Variants in UPK1A observed in about 807,000 individuals in gnomAD.
UPK1A encodes the protein uroplakin-1a.
In UPK1A, 31 loss-of-function variants were observed where a neutral mutation model predicts 32.3. That is an observed-to-expected ratio of 0.96 (90% CI 0.72 to 1.30). UPK1A has a LOEUF of 1.30. UPK1A is among the 50% of genes most tolerant of loss of function. UPK1A has a pLI of 0.00. For synonymous variants in UPK1A, 135 were observed against 137.1 expected (o/e 0.98, Z 0.11); for missense variants, 340 against 357.4 (o/e 0.95, Z 0.39).
At chr19:35,675,993 G>A in exon 6 of UPK1A, 1 of 1,613,578 alleles carries the variant, frequency 6.2e-7, no homozygotes, top group Non-Finnish European at 8.5e-7. Context: ...CTGCCGCCTG[G>A]GGCACATGGA....
intron 5 of UPK1A, 138 bp from the exon 6 acceptor site, chr19:35,675,702 G>A (rs1221760878): frequency 1.7e-5 from 17 of 986,196 alleles, no homozygotes; most frequent in African/African-American, 1.5e-4. Flanking sequence ...GGACACACTC[G>A]CTTGGAGGCC....
intron 6 of UPK1A, among the ~76,000 whole-genome samples, chr19:35,677,147 C>A (rs1348966548): frequency 6.7e-6 from 1 of 148,956 alleles, no homozygotes; most frequent in Non-Finnish European, 1.5e-5. Flanking sequence ...TTGTTTGAGT[C>A]TAGGAGGTCA....
chr19:35,670,484 T>G (rs1306057415), intron 3 of UPK1A, among the ~76,000 whole-genome samples: 1 of 95,602 alleles, frequency 1.0e-5, no homozygotes, highest in African/African-American at 4.6e-5. Flanking sequence ...GATGGAGCCA[T>G]GGACTCCTCC....
exon 8 of UPK1A, chr19:35,678,059 T>G: frequency 1.3e-6 from 2 of 1,527,640 alleles, no homozygotes; most frequent in Non-Finnish European, 1.8e-6. Flanking sequence ...CCCGGACTCC[T>G]CCGCATCCTC....
At position 35,675,864 on chromosome 19, in the gene UPK1A, C is replaced by T; in HGVS notation, c.493C>T (p.Pro165Ser). The T allele has an allele frequency of 6.2e-7, 1 of 1,613,652 alleles. No homozygotes were observed. The change falls in exon 6 of 8, where the codon CCC becomes TCC. Residue 165 changes from proline to serine, a missense_variant. Coordinates refer to ENST00000617999, the Ensembl canonical transcript of UPK1A. ...GCAAGAATGCTGTGGCACATCTGGT[C>T]CCATGGACTGGGTGAACTTCACGTC... is the stretch of plus-strand genomic sequence containing the variant.
intron 6 of UPK1A, among the ~76,000 whole-genome samples, chr19:35,677,385 G>C (rs2146390373): frequency 6.6e-6 from 1 of 152,096 alleles, no homozygotes; most frequent in Admixed American, 6.6e-5. Context: ...AATTAGCCGG[G>C]CGTAGTGGTG....
At chr19:35,675,500 C>G (rs1213159747) in intron 5 of UPK1A, among the ~76,000 whole-genome samples, 2 of 152,052 alleles carry the variant, frequency 1.3e-5, no homozygotes, top group Non-Finnish European at 2.9e-5. Flanking sequence ...AGGCTGGTCT[C>G]GAACTCCTGA....
chr19:35,678,386 AG>A (rs1013071067), exon 8 of UPK1A: 4 of 209,398 alleles, frequency 1.9e-5, no homozygotes, highest in African/African-American at 9.1e-5. Flanking sequence ...TATTGCCATG[AG>A]AGTTCTGTCA....
chr19:35,677,696 T>G, intron 6 of UPK1A, 116 bp from the exon 7 acceptor site: 133 of 1,339,316 alleles, frequency 9.9e-5, no homozygotes, highest in Non-Finnish European at 1.3e-4. Context: ...ATTGCACAAG[T>G]GAGAAAACCA....
exon 8 of UPK1A, chr19:35,678,355 C>T (rs1317280502): frequency 3.9e-6 from 1 of 257,894 alleles, no homozygotes; most frequent in East Asian, 7.3e-5. Flanking sequence ...TTGTGATTGC[C>T]ATTTGAGCTC....
chr19:35,678,309 C>T (rs1968214372), exon 8 of UPK1A: 3 of 350,402 alleles, frequency 8.6e-6, no homozygotes, highest in Non-Finnish European at 1.6e-5. Context: ...CTGACCTCCT[C>T]CTTCATGGCA....
intron 2 of UPK1A, 30 bp from the exon 3 acceptor site, chr19:35,668,424 C>T: frequency 2.5e-6 from 4 of 1,613,404 alleles, no homozygotes; most frequent in Non-Finnish European, 3.4e-6. Context: ...TGGCCCCGAG[C>T]AGACCTTCCT....
exon 8 of UPK1A, chr19:35,678,333 T>C (rs1968214810): frequency 3.3e-6 from 1 of 302,746 alleles, no homozygotes. Context: ...ATCGCCATTC[T>C]TGCTGAACCG....
chr19:35,668,938 C>A (rs754055289), intron 3 of UPK1A, among the ~76,000 whole-genome samples: 1 of 151,878 alleles, frequency 6.6e-6, no homozygotes, highest in Non-Finnish European at 1.5e-5. Context: ...CTGCCTCAGC[C>A]TCCCAAAGTG....
intron 6 of UPK1A, 152 bp downstream of exon 6, chr19:35,676,171 TTTTCTTTC>T (rs373683502): frequency 0.069 from 60,925 of 878,640 alleles, 1,142 homozygotes; most frequent in South Asian, 0.17. Context: ...CTTGTTTTCT[TTTTCTTTC>T]TTTCTTTCTT....
At chr19:35,677,786 C>T (rs1216201775) in intron 6 of UPK1A, 26 bp from the exon 7 acceptor site, 2 of 1,611,810 alleles carry the variant, frequency 1.2e-6, no homozygotes, top group East Asian at 2.2e-5. Context: ...GGCGTCTTCT[C>T]AAACTTCCCC....
intron 3 of UPK1A, among the ~76,000 whole-genome samples, chr19:35,670,878 C>A (rs1968084361): frequency 6.6e-6 from 1 of 151,654 alleles, no homozygotes; most frequent in South Asian, 2.1e-4. Context: ...CCATGTGCAG[C>A]TAATTTTTGT....
In UPK1A at chr19:35,668,442, C is replaced by G; in HGVS notation, c.85-12C>G. 3 of 1,613,968 alleles carry G rather than the reference C, an allele frequency of 1.9e-6. No homozygotes were observed. Among genetic ancestry groups the G allele is most frequent in the Non-Finnish European group, 2.5e-6 (3 of 1,180,034 alleles). ...CCCCGAGCAGACCTTCCTAACCCAC[C>G]GCTCTGTCCAGCTGTCAGGCCTGTC... is the stretch of plus-strand genomic sequence containing the variant. On this transcript the variant is annotated splice_polypyrimidine_tract_variant and intron_variant, in intron 2 of 7. Coordinates refer to ENST00000617999, the Ensembl canonical transcript of UPK1A.
At chr19:35,672,565 C>T (rs1457350228) in intron 3 of UPK1A, among the ~76,000 whole-genome samples, 1 of 151,000 alleles carries the variant, frequency 6.6e-6, no homozygotes, top group African/African-American at 2.4e-5. Flanking sequence ...ACTGCACCCA[C>T]CCTTGTTTGT....
Sources: gnomAD v4.1 joint callset for allele counts (sites outside exome capture counted in the v4.1 genomes callset) on GRCh38, gnomAD v4.1.1 for gene constraint, MANE v1.5 for transcripts, NCBI Gene and HGNC (gene_info 2026-07-23, HGNC 2026-07-21) for gene names.